Variants in CADM2 observed in about 807,000 individuals in gnomAD.
The protein encoded by CADM2 is cell adhesion molecule 2.
CADM2 carries 12 observed loss-of-function variants against 49.8 expected under a neutral mutation model. That is an observed-to-expected ratio of 0.24 (90% confidence interval 0.15 to 0.39). The LOEUF is 0.39. Ranked by LOEUF, CADM2 falls within the 10% of genes least tolerant of loss-of-function variation. CADM2 has a pLI of 1.00. For missense variants in CADM2, 378 were observed against 492.3 expected, an observed-to-expected ratio of 0.77 and a Z score of 2.20; for synonymous variants, 214 against 175.4, an observed-to-expected ratio of 1.22 and a Z score of -1.74.
intron 1 of CADM2, among the ~76,000 whole-genome samples, chr3:85,144,935 GGT>G (rs2107635187): frequency 6.6e-6 from 1 of 152,194 alleles, no homozygotes; most frequent in Non-Finnish European, 1.5e-5. Flanking sequence ...ATACAAGATA[GGT>G]GTGTGCAAAG....
chr3:85,889,156 A>C (rs1385729957), intron 5 of CADM2, among the ~76,000 whole-genome samples: 1 of 152,204 alleles, frequency 6.6e-6, no homozygotes, highest in Non-Finnish European at 1.5e-5. Context: ...CATGTTATGG[A>C]GAATATTTTC....
intron 1 of CADM2, among the ~76,000 whole-genome samples, chr3:85,440,120 C>A (rs2037130935): frequency 6.6e-6 from 1 of 152,096 alleles, no homozygotes; most frequent in South Asian, 2.1e-4. Flanking sequence ...GATGAGCTCC[C>A]TCTAAATTCA....
At chr3:85,324,243 GT>G (rs1328072349) in intron 1 of CADM2, among the ~76,000 whole-genome samples, 13 of 152,138 alleles carry the variant, frequency 8.5e-5, no homozygotes, top group South Asian at 2.1e-4. Context: ...AGAGGAATAT[GT>G]GCTTACTACT....
chr3:85,505,069 C>A (rs896385714), intron 1 of CADM2, among the ~76,000 whole-genome samples: 12 of 152,134 alleles, frequency 7.9e-5, no homozygotes, highest in Non-Finnish European at 1.8e-4. Context: ...CTCCACACCT[C>A]CCTGCAAGCT....
intron 1 of CADM2, among the ~76,000 whole-genome samples, chr3:85,144,159 C>T (rs570982063): frequency 1.7e-3 from 260 of 152,138 alleles, no homozygotes; most frequent in African/African-American, 5.8e-3. Flanking sequence ...AGACCATACT[C>T]CTGACCCACT....
At chr3:85,226,465 G>A (rs1033322243) in intron 1 of CADM2, among the ~76,000 whole-genome samples, 1 of 152,008 alleles carries the variant, frequency 6.6e-6, no homozygotes, top group African/African-American at 2.4e-5. Context: ...GACTGGGGGT[G>A]ATATCACCTT....
intron 1 of CADM2, among the ~76,000 whole-genome samples, chr3:85,675,828 C>A (rs773549356): frequency 6.6e-6 from 1 of 152,102 alleles, no homozygotes; most frequent in Non-Finnish European, 1.5e-5. Flanking sequence ...CCTTAAAGGA[C>A]AACTAGTCTA....
At chr3:85,869,163 A>T (rs1050013178) in intron 3 of CADM2, among the ~76,000 whole-genome samples, 1 of 152,084 alleles carries the variant, frequency 6.6e-6, no homozygotes, top group Non-Finnish European at 1.5e-5. Context: ...TGCTAACCTC[A>T]CTAGTTCAGC....
chr3:85,126,095 T>G (rs1232988663), intron 1 of CADM2, among the ~76,000 whole-genome samples: 1 of 152,178 alleles, frequency 6.6e-6, no homozygotes, highest in Non-Finnish European at 1.5e-5. Context: ...ACATTACTCT[T>G]TTGAGCAGCA....
chr3:85,112,024 G>A (rs975993059), intron 1 of CADM2, among the ~76,000 whole-genome samples: 3 of 151,798 alleles, frequency 2.0e-5, no homozygotes, highest in Admixed American at 6.6e-5. Flanking sequence ...TAAGTACAAC[G>A]TCTTCTATTA....
intron 1 of CADM2, among the ~76,000 whole-genome samples, chr3:85,281,916 C>T (rs986054328): frequency 2.6e-5 from 4 of 152,046 alleles, no homozygotes; most frequent in African/African-American, 9.7e-5. Context: ...GCTCATTTCT[C>T]ACTTTAAATG....
chr3:85,394,165 A>C (rs879382529), intron 1 of CADM2, among the ~76,000 whole-genome samples: 1 of 152,216 alleles, frequency 6.6e-6, no homozygotes, highest in Non-Finnish European at 1.5e-5. Context: ...ATTAGTTTAC[A>C]AATAATTTTT....
chr3:85,551,875 AT>A (rs1416620264), intron 1 of CADM2, among the ~76,000 whole-genome samples: 11 of 152,210 alleles, frequency 7.2e-5, no homozygotes, highest in African/African-American at 2.2e-4. Flanking sequence ...TGATAATTCA[AT>A]TTTGTCCTGT....
At chr3:86,028,624 T>C (rs1734205657) in intron 8 of CADM2, among the ~76,000 whole-genome samples, 1 of 152,180 alleles carries the variant, frequency 6.6e-6, no homozygotes, top group African/African-American at 2.4e-5. Context: ...CACTTCTTTC[T>C]ATCTTTTGTG....
chr3:84,984,356 T>TA lies in CADM2; in HGVS notation c.61+24717dup, dbSNP rs375702349. 5.6e-3 allele frequency among the ~76,000 whole-genome samples: 377 copies of TA among 67,036 alleles called. 51 individuals are homozygous for TA. The highest frequency in any genetic ancestry group is 0.021 in the African/African-American group (281 of 13,306). 44.0% of individuals were successfully genotyped at this position (67,036 alleles called of 152,430 possible). A position where few individuals can be genotyped will look rare whatever the true frequency, so the allele number is the denominator to read the frequency against. On this transcript the variant is annotated intron_variant, in intron 1 of 9. Coordinates refer to ENST00000383699, the MANE Select transcript of CADM2 (RefSeq NM_001167675.2). ...CCTCATAGCCACCTCAAGATTAAGC[T>TA]AAAAAAAAAAAAAAAAAAAAAAAAA...
At chr3:85,709,617 T>C (rs2067054870) in intron 1 of CADM2, among the ~76,000 whole-genome samples, 1 of 152,168 alleles carries the variant, frequency 6.6e-6, no homozygotes, top group Non-Finnish European at 1.5e-5. Flanking sequence ...TTAAATGGCA[T>C]AAAATGCCTT....
intron 8 of CADM2, among the ~76,000 whole-genome samples, chr3:86,019,902 T>G (rs906633339): frequency 6.6e-6 from 1 of 152,044 alleles, no homozygotes; most frequent in African/African-American, 2.4e-5. Context: ...CTGGCCAAAA[T>G]TGACACCCTA....
At chr3:85,128,575 G>A (rs2039114402) in intron 1 of CADM2, among the ~76,000 whole-genome samples, 2 of 152,132 alleles carry the variant, frequency 1.3e-5, no homozygotes, top group South Asian at 2.1e-4. Context: ...GGGTCTGAAA[G>A]CCTCATGACA....
At chr3:85,229,170 G>C (rs554342467) in intron 1 of CADM2, among the ~76,000 whole-genome samples, 3 of 152,112 alleles carry the variant, frequency 2.0e-5, no homozygotes, top group Non-Finnish European at 4.4e-5. Context: ...AACCAAGCTC[G>C]TGAATTCCAG....
Sources: allele counts gnomAD v4.1 joint callset (sites outside exome capture counted in the v4.1 genomes callset), GRCh38; gene constraint gnomAD v4.1.1; transcripts MANE v1.5; gene names NCBI Gene and HGNC (gene_info 2026-07-23, HGNC 2026-07-21).